The following CACNA1E variants were observed in gnomAD, a reference collection of about 807,000 sequenced individuals.
CACNA1E encodes the protein calcium voltage-gated channel subunit alpha1 E, also known as voltage-dependent R-type calcium channel subunit alpha-1E.
In CACNA1E, 40 loss-of-function variants were observed where a neutral mutation model predicts 259.2. The ratio of observed to expected loss-of-function variants is 0.15; its 90% CI spans 0.12 to 0.20. The LOEUF (loss-of-function observed/expected upper bound fraction) is 0.20, where lower values mean the gene tolerates loss of function less well. Ranked by LOEUF, CACNA1E falls within the 10% of genes least tolerant of loss-of-function variation. The pLI is 1.00. For missense variants in CACNA1E, 1,874 were observed against 3,040.1 expected (o/e 0.62, Z 9.02); for synonymous variants, 1,104 against 1,138.5 (o/e 0.97, Z 0.61).
At chr1:181,707,352 T>G (rs1572659065) in intron 7 of CACNA1E, among the ~76,000 whole-genome samples, 2 of 152,172 alleles carry the variant, frequency 1.3e-5, no homozygotes, top group African/African-American at 4.8e-5. Flanking sequence ...GAGTTCCAGC[T>G]AGGATGCCAG....
chr1:181,731,289 T>A, intron 19 of CACNA1E, 58 bp downstream of exon 19: 6 of 1,347,644 alleles, frequency 4.5e-6, no homozygotes, highest in Non-Finnish European at 6.4e-6. Flanking sequence ...TGGGACAATG[T>A]GTCATTGTCC....
rs190855227 is a variant in CACNA1E at position 181,647,806 on chromosome 1, C to T, written c.952-3532C>T. Among the ~76,000 whole-genome samples the T allele has an allele frequency of 4.6e-5, 7 of 152,252 alleles. No individual in the cohort carries two copies. The East Asian group carries it at 7.7e-4, about 17-fold the overall frequency. On this transcript the variant is annotated intron_variant, in intron 6 of 47. Coordinates refer to ENST00000367573, the MANE Select transcript of CACNA1E (RefSeq NM_001205293.3). Reference sequence around the variant, plus strand: ...GCCGAGGTGTGTCCCTTTGTCCTACCGGGTGTGTCACTGACCCGTGGACAA... The same window carrying T: ...GCCGAGGTGTGTCCCTTTGTCCTACTGGGTGTGTCACTGACCCGTGGACAA...
chr1:181,705,481 A>C (rs1334193112), intron 7 of CACNA1E, among the ~76,000 whole-genome samples: 3 of 152,236 alleles, frequency 2.0e-5, no homozygotes. Flanking sequence ...CCTTGTTCTT[A>C]GTTTCCATGA....
At chr1:181,750,527 G>C in intron 26 of CACNA1E, 40 bp downstream of exon 26, 1 of 1,600,308 alleles carries the variant, frequency 6.2e-7, no homozygotes, top group Non-Finnish European at 8.6e-7. Flanking sequence ...ACGATACAAG[G>C]AATGAGTTGG....
At chr1:181,613,542 G>C (rs1398142621) in intron 6 of CACNA1E, among the ~76,000 whole-genome samples, 2 of 152,178 alleles carry the variant, frequency 1.3e-5, no homozygotes, top group Non-Finnish European at 2.9e-5. Context: ...AGTAGGCTGA[G>C]GAGGAGGAGG....
At chr1:181,781,152 C>T (rs981095307) in intron 38 of CACNA1E, among the ~76,000 whole-genome samples, 4 of 152,144 alleles carry the variant, frequency 2.6e-5, no homozygotes, top group Non-Finnish European at 4.4e-5. Context: ...CACCAGTTTT[C>T]CCGGGTCTGT....
At chr1:181,610,774 G>T (rs548754476) in intron 6 of CACNA1E, among the ~76,000 whole-genome samples, 15 of 152,254 alleles carry the variant, frequency 9.9e-5, no homozygotes, top group Admixed American at 9.2e-4. Context: ...TTGAGGACCA[G>T]CTCAGCCCCA....
intron 6 of CACNA1E, among the ~76,000 whole-genome samples, chr1:181,615,855 T>G (rs1054225317): frequency 1.3e-5 from 2 of 152,236 alleles, no homozygotes; most frequent in Non-Finnish European, 2.9e-5. Flanking sequence ...TCATTAAACA[T>G]GATCTTTGCT....
intron 25 of CACNA1E, among the ~76,000 whole-genome samples, chr1:181,746,320 CTTTATTT>C (rs1048892976): frequency 2.0e-5 from 3 of 152,200 alleles, no homozygotes; most frequent in African/African-American, 7.2e-5. Context: ...CTTTCACACT[CTTTATTT>C]TATTTATCAC....
At chr1:181,620,697 A>G (rs950069974) in intron 6 of CACNA1E, among the ~76,000 whole-genome samples, 5 of 152,218 alleles carry the variant, frequency 3.3e-5, no homozygotes, top group Non-Finnish European at 7.3e-5. Context: ...GAAAATTCAA[A>G]TAGTAATGCA....
chr1:181,605,286 T>G, intron 6 of CACNA1E, among the ~76,000 whole-genome samples: 2 of 106,670 alleles, frequency 1.9e-5, no homozygotes, highest in South Asian at 6.5e-4. Flanking sequence ...CACATGCAAT[T>G]GGGGAGACAG....
At chr1:181,499,519 T>G (rs1201067305) in intron 1 of CACNA1E, among the ~76,000 whole-genome samples, 1 of 152,214 alleles carries the variant, frequency 6.6e-6, no homozygotes, top group Non-Finnish European at 1.5e-5. Context: ...AATGAGTGTG[T>G]TGGAATAGTT....
intron 3 of CACNA1E, among the ~76,000 whole-genome samples, chr1:181,535,368 G>T (rs932678119): frequency 6.7e-6 from 1 of 148,910 alleles, no homozygotes; most frequent in Non-Finnish European, 1.5e-5. Flanking sequence ...CAAGGTAATG[G>T]GCAGCAAAGA....
At chr1:181,505,610 G>T (rs1350596397) in intron 1 of CACNA1E, among the ~76,000 whole-genome samples, 1 of 151,960 alleles carries the variant, frequency 6.6e-6, no homozygotes, top group African/African-American at 2.4e-5. Flanking sequence ...TCCTGACCTC[G>T]TGATCTGCCC....
At chr1:181,593,942 T>C (rs1459382398) in intron 6 of CACNA1E, among the ~76,000 whole-genome samples, 1 of 152,216 alleles carries the variant, frequency 6.6e-6, no homozygotes, top group African/African-American at 2.4e-5. Context: ...TATACCAGAA[T>C]AGCATAATGG....
chr1:181,784,478 C>A (rs906261580), intron 40 of CACNA1E, among the ~76,000 whole-genome samples, 183 bp from the exon 41 acceptor site: 7 of 152,114 alleles, frequency 4.6e-5, no homozygotes, highest in African/African-American at 1.7e-4. Context: ...AAAAAGGGAG[C>A]CAAAATGTGT....
At chr1:181,571,023 G>T (rs550627561) in intron 3 of CACNA1E, among the ~76,000 whole-genome samples, 48 of 152,270 alleles carry the variant, frequency 3.2e-4, no homozygotes, top group African/African-American at 1.2e-3. Flanking sequence ...GGAGCTGATG[G>T]GTCTGCAGTT....
chr1:181,579,242 T>A lies in CACNA1E; in HGVS notation c.769+18T>A. 2 of 1,598,932 alleles carry A rather than the reference T, an allele frequency of 1.3e-6. No homozygotes were observed. Among genetic ancestry groups the A allele is most frequent in the Admixed American group, 3.5e-5 (2 of 57,770 alleles). ...CAATTCAGGTAGGGTCGTTCTTTTC[T>A]GTCTTCTCCTTTTCCCTTCTCCCCT... On this transcript the variant is annotated intron_variant, in intron 5 of 47. Coordinates refer to ENST00000367573, the MANE Select transcript of CACNA1E (RefSeq NM_001205293.3).
At chr1:181,784,812 A>G (rs1489476452) in intron 41 of CACNA1E, 44 bp downstream of exon 41, 1 of 1,182,220 alleles carries the variant, frequency 8.5e-7, no homozygotes. Context: ...TGGGCCCAGC[A>G]TGTGAAGACT....
Sources: gnomAD v4.1 joint callset for allele counts (sites outside exome capture counted in the v4.1 genomes callset) on GRCh38, gnomAD v4.1.1 for gene constraint, MANE v1.5 for transcripts, NCBI Gene and HGNC (gene_info 2026-07-23, HGNC 2026-07-21) for gene names.